The following SDK1 variants were observed in gnomAD, a reference collection of about 807,000 sequenced individuals.
SDK1 encodes protein sidekick-1.
A neutral mutation model predicts 245.5 loss-of-function variants in SDK1; 157 were observed. The observed-to-expected ratio is 0.64, with a 90% CI of 0.56 to 0.73. The LOEUF (loss-of-function observed/expected upper bound fraction) is 0.73, where lower values mean the gene tolerates loss of function less well. SDK1 is among the 30% of genes least tolerant of loss of function. SDK1 has a pLI of 0.00. For synonymous variants in SDK1, 1,647 were observed against 1,278.5 expected (o/e 1.29, Z -6.15); for missense variants, 3,583 against 3,002.3 (o/e 1.19, Z -4.52).
chr7:4,124,543 C>A (rs1050155382), intron 25 of SDK1, among the ~76,000 whole-genome samples: 1 of 152,132 alleles, frequency 6.6e-6, no homozygotes, highest in Non-Finnish European at 1.5e-5. Flanking sequence ...GCAGTATGAC[C>A]GCATCTTAAC....
intron 13 of SDK1, among the ~76,000 whole-genome samples, chr7:3,975,933 G>C (rs1398311530): frequency 1.4e-5 from 2 of 143,718 alleles, no homozygotes; most frequent in Admixed American, 1.4e-4. Flanking sequence ...GAATCACTGA[G>C]GGTCCCGGGG....
rs985573018 is a variant in SDK1, at chr7:3,999,566, G to T, written c.2132-11400G>T. ...CAGTATTCGGATGCCCTGGTGCCTCGGGGCGGGGGAGGCTGGTGGCCAAGG... is the reference window on the plus strand; with the variant it reads ...CAGTATTCGGATGCCCTGGTGCCTCTGGGCGGGGGAGGCTGGTGGCCAAGG... On this transcript the variant is annotated intron_variant, in intron 14 of 44. Transcript: ENST00000404826. Among the ~76,000 whole-genome samples the T allele has an allele frequency of 1.3e-5, 2 of 152,240 alleles. 1 individual carries two copies. The highest frequency in any genetic ancestry group is 4.2e-4 in the South Asian group (2 of 4,814).
intron 1 of SDK1, among the ~76,000 whole-genome samples, chr7:3,420,922 T>G (rs1038624856): frequency 6.6e-6 from 1 of 152,170 alleles, no homozygotes; most frequent in Non-Finnish European, 1.5e-5. Flanking sequence ...ACCTCCCTGA[T>G]AGGCCCCAGT....
intron 5 of SDK1, among the ~76,000 whole-genome samples, chr7:3,874,902 C>T (rs1781038101): frequency 6.6e-6 from 1 of 152,096 alleles, no homozygotes; most frequent in African/African-American, 2.4e-5. Flanking sequence ...CTGTTCTTCC[C>T]CCACATCCAG....
chr7:3,392,596 C>T (rs757470777), intron 1 of SDK1, among the ~76,000 whole-genome samples: 15 of 152,138 alleles, frequency 9.9e-5, no homozygotes, highest in Non-Finnish European at 1.3e-4. Context: ...ACTGCAACTT[C>T]TAAGCAATAA....
At position 3,695,045 on chromosome 7, in the gene SDK1, A is replaced by G. The variant is rs543692056; in HGVS notation, c.713+52940A>G. 2.0e-5 allele frequency among the ~76,000 whole-genome samples: 3 copies of G among 152,302 alleles called. No individual in the cohort carries two copies. In the South Asian group the frequency reaches 6.2e-4, roughly 32 times the overall value. The stretch of plus-strand genomic sequence containing the variant: ...ATAAAGGTGTTTCATTGGGAAACAT[A>G]TTAGAGACTCTACATATTAGAGACT... On this transcript the variant is annotated intron_variant, in intron 4 of 44. Transcript: ENST00000404826.
At chr7:3,575,723 AT>A (rs892861350) in intron 1 of SDK1, among the ~76,000 whole-genome samples, 1 of 151,788 alleles carries the variant, frequency 6.6e-6, no homozygotes, top group Non-Finnish European at 1.5e-5. Context: ...CAAACTCTTC[AT>A]TTTTTTTGTT....
intron 32 of SDK1, among the ~76,000 whole-genome samples, chr7:4,162,193 C>T (rs912396670): frequency 6.6e-6 from 1 of 151,998 alleles, no homozygotes; most frequent in Non-Finnish European, 1.5e-5. Flanking sequence ...GACGTTGGAG[C>T]AAGGCTTCTG....
intron 1 of SDK1, among the ~76,000 whole-genome samples, chr7:3,575,024 A>C (rs927035587): frequency 6.6e-6 from 1 of 152,014 alleles, no homozygotes; most frequent in African/African-American, 2.4e-5. Context: ...ACAGCCTCCC[A>C]TTCCTGTGCA....
intron 1 of SDK1, among the ~76,000 whole-genome samples, chr7:3,452,826 T>C (rs770675370): frequency 6.6e-6 from 1 of 152,318 alleles, no homozygotes. Context: ...GTCCAATTCC[T>C]CTTCCCATTC....
rs370434421 is a variant in SDK1 at position 4,221,204 on chromosome 7, G to A, written c.5702-35G>A. On this transcript the variant is annotated intron_variant, in intron 39 of 44. Transcript: ENST00000404826. ...GGTGGGATGTGAGCCCCGCAGGGCTGATGCCTCACCTCTCTTTTCTTCTTT... is the reference window on the plus strand; with the variant it reads ...GGTGGGATGTGAGCCCCGCAGGGCTAATGCCTCACCTCTCTTTTCTTCTTT... The A allele has an allele frequency of 7.5e-5, 120 of 1,609,836 alleles. No homozygotes were observed. The Middle Eastern group carries it at 3.7e-3, about 50-fold the overall frequency.
Position 4,268,830 on chromosome 7 carries a change from C to T in SDK1, c.*3446C>T, listed in dbSNP as rs1002153300. On this transcript the variant is annotated 3_prime_UTR_variant, in exon 45 of 45. Coordinates refer to ENST00000404826, the MANE Select transcript of SDK1 (RefSeq NM_152744.4). ...CCCGCTGGGACACGTCTCCTTCCCG[C>T]GTCACCTTCTGGTTTAGGGAGCCGT... 3.3e-5 allele frequency: 35 copies of T among 1,072,598 alleles called. No individual in the cohort carries two copies. The highest frequency in any genetic ancestry group is 4.4e-5 in the Non-Finnish European group (33 of 756,134). The allele number at this position is 1,072,598 out of a possible 1,614,324, so 66.4% of individuals were successfully genotyped here.
At chr7:3,489,684 A>G (rs1781809504) in intron 1 of SDK1, among the ~76,000 whole-genome samples, 1 of 152,348 alleles carries the variant, frequency 6.6e-6, no homozygotes, top group Middle Eastern at 3.4e-3. Context: ...ATTCAGGGAA[A>G]GTTTCTAATG....
intron 1 of SDK1, among the ~76,000 whole-genome samples, chr7:3,349,639 G>A (rs931396065): frequency 7.2e-5 from 11 of 152,184 alleles, no homozygotes; most frequent in South Asian, 2.1e-4. Flanking sequence ...TGGCTCGGTC[G>A]CCCAGGCTGC....
intron 4 of SDK1, among the ~76,000 whole-genome samples, chr7:3,750,896 G>A (rs1274968774): frequency 6.6e-6 from 1 of 152,214 alleles, no homozygotes; most frequent in African/African-American, 2.4e-5. Flanking sequence ...ACTGTGCCTG[G>A]ATGTAGCGCT....
chr7:4,200,068 C>T (rs1783801623), intron 35 of SDK1, among the ~76,000 whole-genome samples: 1 of 152,164 alleles, frequency 6.6e-6, no homozygotes, highest in Admixed American at 6.6e-5. Context: ...GCACTTCAGC[C>T]TCTGTGACAG....
intron 1 of SDK1, among the ~76,000 whole-genome samples, chr7:3,490,691 T>C (rs1781839092): frequency 6.6e-6 from 1 of 152,204 alleles, no homozygotes; most frequent in Non-Finnish European, 1.5e-5. Flanking sequence ...AAATGCTCCC[T>C]TGAATCCACA....
intron 22 of SDK1, among the ~76,000 whole-genome samples, chr7:4,088,627 G>A (rs1781579002): frequency 6.6e-6 from 1 of 151,706 alleles, no homozygotes; most frequent in East Asian, 1.9e-4. Flanking sequence ...CTGCTCATTT[G>A]GTTTTTCTGA....
chr7:3,525,641 G>C (rs970743165), intron 1 of SDK1, among the ~76,000 whole-genome samples: 9 of 151,854 alleles, frequency 5.9e-5, no homozygotes, highest in Non-Finnish European at 1.0e-4. Context: ...TTCTCTTAGA[G>C]CCCCATTTCT....
Sources: gnomAD v4.1 joint callset for allele counts (sites outside exome capture counted in the v4.1 genomes callset) on GRCh38, gnomAD v4.1.1 for gene constraint, MANE v1.5 for transcripts, NCBI Gene and HGNC (gene_info 2026-07-23, HGNC 2026-07-21) for gene names.